The following PPFIA1 variants were observed in gnomAD, a reference collection of about 807,000 sequenced individuals.
PPFIA1 encodes the protein liprin-alpha-1.
Under a neutral mutation model 149.9 loss-of-function variants are expected in PPFIA1, and 25 were observed. The ratio of observed to expected loss-of-function variants is 0.17; its 90% CI spans 0.12 to 0.23. PPFIA1 has a LOEUF of 0.23. Among genes scored for constraint, PPFIA1 ranks in the 10% least tolerant of loss-of-function variants. The pLI is 1.00. For missense variants in PPFIA1, 1,362 were observed against 1,506.5 expected, an observed-to-expected ratio of 0.90 and a Z score of 1.59; for synonymous variants, 549 against 552.8, an observed-to-expected ratio of 0.99 and a Z score of 0.10.
chr11:70,278,973 C>T (rs929374098), intron 2 of PPFIA1: 1 of 604,276 alleles, frequency 1.7e-6, no homozygotes, highest in Non-Finnish European at 3.2e-6. Flanking sequence ...TGGAATGACA[C>T]CTTTACCAGC....
rs780822312 is a variant in PPFIA1 at position 70,372,284 on chromosome 11, C to G, written c.2935C>G (p.Gln979Glu). 8 of 1,614,238 alleles carry G rather than the reference C, an allele frequency of 5.0e-6. No homozygotes were observed. The highest frequency in any genetic ancestry group is 2.2e-5 in the East Asian group (1 of 44,892). ...NEWLPSLGLP[Q>E]YRSYFMECLV... is the part of the protein sequence containing the mutation. Reference sequence around the variant, plus strand: ...GTGGCTCCCCAGCCTGGGCCTCCCCCAGTACCGCAGCTACTTCATGGAGTG... The same window carrying G: ...GTGGCTCCCCAGCCTGGGCCTCCCCGAGTACCGCAGCTACTTCATGGAGTG... The change falls in exon 22 of 28, where the codon CAG becomes GAG. Residue 979 changes from glutamine (Q) to glutamate (E), a missense_variant. Transcript: ENST00000253925.
At chr11:70,320,610 T>C (rs2053882046) in intron 2 of PPFIA1, among the ~76,000 whole-genome samples, 1 of 151,764 alleles carries the variant, frequency 6.6e-6, no homozygotes, top group South Asian at 2.1e-4. Context: ...GCTAATTTTT[T>C]ATGTTTTGTA....
intron 14 of PPFIA1, chr11:70,340,862 A>G (rs2055287795): frequency 8.6e-6 from 3 of 348,926 alleles, no homozygotes; most frequent in South Asian, 6.3e-5. Flanking sequence ...CTGGAGCCAC[A>G]GAAAGACCCA....
At chr11:70,343,210 A>T (rs1439580990) in intron 14 of PPFIA1, among the ~76,000 whole-genome samples, 1 of 152,122 alleles carries the variant, frequency 6.6e-6, no homozygotes, top group Admixed American at 6.5e-5. Context: ...GCCTCCCAAA[A>T]TGCTGGGTTT....
intron 17 of PPFIA1, 148 bp from the exon 18 acceptor site, chr11:70,355,491 G>A (rs1359598571): frequency 9.7e-6 from 7 of 725,152 alleles, no homozygotes; most frequent in East Asian, 5.8e-5. Flanking sequence ...TGGCCTCGCC[G>A]GGAGTCTGCC....
chr11:70,354,886 C>G (rs529820057), intron 17 of PPFIA1, among the ~76,000 whole-genome samples: 4 of 152,012 alleles, frequency 2.6e-5, no homozygotes, highest in African/African-American at 9.6e-5. Context: ...AGTGAGTGTC[C>G]CCTCTCAGGA....
chr11:70,338,378 A>T lies in PPFIA1; in HGVS notation c.1496A>T (p.Gln499Leu), dbSNP rs2137042908. Residue 499 changes from glutamine (Q) to leucine (L), a missense_variant, in exon 13 of 28, where the codon CAG becomes CTG. By Grantham distance (113) the Gln-to-Leu change is moderately radical. This residue lies in a region of PPFIA1 where 733 missense variants were observed against 744.1 expected (regional missense o/e 0.99). Coordinates refer to ENST00000253925, the MANE Select transcript of PPFIA1 (RefSeq NM_003626.5). Reference sequence around the variant, plus strand: ...AAGTCTTTTGCTTTTCTGTAGGATCAGCTTGTCCTAAACATTGAAGCACTG... The same window carrying T: ...AAGTCTTTTGCTTTTCTGTAGGATCTGCTTGTCCTAAACATTGAAGCACTG... ...QLEETQHDKDQLVLNIEALRA... is the reference protein window; with the variant it reads ...QLEETQHDKDLLVLNIEALRA... 1.2e-6 allele frequency: 2 copies of T among 1,611,316 alleles called. No individual in the cohort carries two copies. Among genetic ancestry groups the T allele is most frequent in the East Asian group, 4.5e-5 (2 of 44,866 alleles).
At chr11:70,325,081 G>A (rs2054179741) in intron 4 of PPFIA1, 70 bp downstream of exon 4, 42 of 1,418,656 alleles carry the variant, frequency 3.0e-5, no homozygotes, top group Admixed American at 8.0e-5. Flanking sequence ...AAGTGTTGGT[G>A]TAACTTTTGT....
At chr11:70,291,590 C>T (rs867414011) in intron 2 of PPFIA1, among the ~76,000 whole-genome samples, 1 of 152,226 alleles carries the variant, frequency 6.6e-6, no homozygotes, top group South Asian at 2.1e-4. Context: ...AGGCACTTTA[C>T]AAACAGGAAT....
At chr11:70,359,239 C>T (rs1326355139) in intron 19 of PPFIA1, among the ~76,000 whole-genome samples, 1 of 152,210 alleles carries the variant, frequency 6.6e-6, no homozygotes, top group Non-Finnish European at 1.5e-5. Context: ...GTCTTGAACT[C>T]CTGGCCTCAA....
At chr11:70,378,555 C>T in intron 26 of PPFIA1, 3 of 698,548 alleles carry the variant, frequency 4.3e-6, no homozygotes, top group Non-Finnish European at 5.3e-6. Context: ...GTAGTAGCTT[C>T]CAAACCACAT....
Position 70,324,939 on chromosome 11 carries a change from C to G in PPFIA1, c.459C>G (p.Gly153=), listed in dbSNP as rs148677249. The change falls in exon 4 of 28, where the codon GGC becomes GGG. Residue 153 remains glycine (G), a synonymous_variant. Coordinates refer to ENST00000253925, the MANE Select transcript of PPFIA1 (RefSeq NM_003626.5). ...VVKRQAQSPA[G]VSSEVEVLKA... ...AGAGACAAGCGCAGTCTCCAGCAGGCGTGTCCAGCGAAGTGGAAGTGCTGA... is the reference window on the plus strand; with the variant it reads ...AGAGACAAGCGCAGTCTCCAGCAGGGGTGTCCAGCGAAGTGGAAGTGCTGA... 4.3e-6 allele frequency: 7 copies of G among 1,613,928 alleles called. No homozygotes were observed. In the African/African-American group the frequency reaches 8.0e-5, roughly 18 times the overall value.
chr11:70,375,248 TGG>T (rs2057443272), intron 24 of PPFIA1, 155 bp downstream of exon 24: 1 of 297,396 alleles, frequency 3.4e-6, no homozygotes, highest in Admixed American at 5.6e-5. Context: ...TTTGGTCTAT[TGG>T]CTTTCCCTTT....
At chr11:70,313,768 G>A (rs1337883049) in intron 2 of PPFIA1, among the ~76,000 whole-genome samples, 1 of 152,210 alleles carries the variant, frequency 6.6e-6, no homozygotes, top group Non-Finnish European at 1.5e-5. Flanking sequence ...TATCTTGCCT[G>A]TAATCCCAGC....
At chr11:70,313,117 T>C (rs534188030) in intron 2 of PPFIA1, among the ~76,000 whole-genome samples, 4 of 152,178 alleles carry the variant, frequency 2.6e-5, no homozygotes, top group Non-Finnish European at 5.9e-5. Flanking sequence ...GTGACCGATG[T>C]GCTGTGAGGC....
intron 2 of PPFIA1, among the ~76,000 whole-genome samples, chr11:70,305,812 T>C (rs1387158937): frequency 6.6e-6 from 1 of 152,172 alleles, no homozygotes; most frequent in Non-Finnish European, 1.5e-5. Context: ...TGGCTTATAT[T>C]TGGGCATATG....
chr11:70,312,566 G>A (rs1565380162), intron 2 of PPFIA1, among the ~76,000 whole-genome samples: 1 of 152,162 alleles, frequency 6.6e-6, no homozygotes, highest in Non-Finnish European at 1.5e-5. Context: ...GTGAGGCCCA[G>A]GAGTCTGCAT....
chr11:70,327,297 C>A, intron 7 of PPFIA1: 1 of 153,764 alleles, frequency 6.5e-6, no homozygotes, highest in South Asian at 2.0e-4. Context: ...GGGGGCGTTG[C>A]TGGCGGTCTT....
In PPFIA1 at chr11:70,341,689, G is replaced by C. The variant is rs147451349; in HGVS notation, c.1708-1980G>C. On this transcript the variant is annotated intron_variant, in intron 14 of 27. Transcript: ENST00000253925. ...GAGACAAGATGACACCACCTCATGGGTGCCTGGATGGAGACAAGGTCTAAG... is the reference window on the plus strand; with the variant it reads ...GAGACAAGATGACACCACCTCATGGCTGCCTGGATGGAGACAAGGTCTAAG... 4.6e-3 allele frequency among the ~76,000 whole-genome samples: 694 copies of C among 152,312 alleles called. 10 individuals are homozygous for C. The highest frequency in any genetic ancestry group is 0.016 in the African/African-American group (652 of 41,572).
Sources: gnomAD v4.1 joint callset for allele counts (sites outside exome capture counted in the v4.1 genomes callset) on GRCh38, gnomAD v4.1.1 for gene constraint, gnomAD v4.1.1 regional missense constraint, MANE v1.5 for transcripts, NCBI Gene and HGNC (gene_info 2026-07-23, HGNC 2026-07-21) for gene names.